COL4A6: variants seen among roughly 807,000 people sequenced by gnomAD.
COL4A6 encodes collagen type IV alpha 6 chain.
Under a neutral mutation model 126.7 loss-of-function variants are expected in COL4A6, and 59 were observed. The ratio of observed to expected loss-of-function variants is 0.47; its 90% confidence interval spans 0.38 to 0.58. The LOEUF is 0.58. Ranked by LOEUF, COL4A6 falls within the 20% of genes least tolerant of loss-of-function variation. COL4A6 has a pLI of 0.00. For synonymous variants in COL4A6, 547 were observed against 496.6 expected, an observed-to-expected ratio of 1.10 and a Z score of -1.35; for missense variants, 1,285 against 1,337.3, an observed-to-expected ratio of 0.96 and a Z score of 0.61.
chrX:108,209,708 AG>A (rs1240923031), intron 8 of COL4A6, among the ~76,000 whole-genome samples: 1 of 112,297 alleles, frequency 8.9e-6, no homozygotes, highest in African/African-American at 3.2e-5. Context: ...ATACATTCCT[AG>A]GGGAAAGTAC....
chrX:108,257,382 C>T (rs1181351598), intron 3 of COL4A6, among the ~76,000 whole-genome samples: 1 of 111,874 alleles, frequency 8.9e-6, no homozygotes, highest in Non-Finnish European at 1.9e-5. Context: ...TTGATCCATG[C>T]ACTTAGTTGC....
In COL4A6 at chrX:108,227,088, C is replaced by T. The variant is rs927716359; in HGVS notation, c.145-5714G>A. Reference sequence around the variant, plus strand: ...TCCAGGGAGCTTTCTATGATTACCCCCACCCAATGTGTGGGCTAGGTTGCC... The same window carrying T: ...TCCAGGGAGCTTTCTATGATTACCCTCACCCAATGTGTGGGCTAGGTTGCC... On this transcript the variant is annotated intron_variant, in intron 3 of 44. Coordinates refer to ENST00000334504, the MANE Select transcript of COL4A6 (RefSeq NM_033641.4). Among the ~76,000 whole-genome samples, 48 of 111,766 alleles carry T rather than the reference C, an allele frequency of 4.3e-4. 1 individual carries two copies. The highest frequency in any genetic ancestry group is 9.8e-5 in the African/African-American group (3 of 30,711).
chrX:108,170,013 A>G lies in COL4A6; in HGVS notation c.3497T>C (p.Phe1166Ser). The change falls in exon 36 of 45, where the codon TTC becomes TCC. Residue 1166 changes from phenylalanine to serine, a missense_variant. By Grantham distance (155) the Phe-to-Ser change is radical. Transcript: ENST00000334504. ...GSPGLIGPKG[F>S]PGFPGLHGLN... ...TCCATGTAAACCAGGAAATCCAGGG[A>G]AGCCTGAGGGGAGAGAATGTCAAAA... 1 of 1,184,377 alleles carries G rather than the reference A, an allele frequency of 8.4e-7. No individual in the cohort carries two copies. The highest frequency in any genetic ancestry group is 1.1e-6 in the Non-Finnish European group (1 of 879,533).
intron 2 of COL4A6, among the ~76,000 whole-genome samples, chrX:108,346,277 A>G (rs866100394): frequency 9.0e-6 from 1 of 111,607 alleles, no homozygotes; most frequent in South Asian, 3.8e-4. Flanking sequence ...CACCATAGAG[A>G]ATATATTAGT....
At chrX:108,327,836 A>G (rs1346145794) in intron 2 of COL4A6, among the ~76,000 whole-genome samples, 1 of 110,876 alleles carries the variant, frequency 9.0e-6, no homozygotes, top group African/African-American at 3.3e-5. Flanking sequence ...CACTGTTAAA[A>G]AAAAACACAG....
At chrX:108,411,172 GTCT>G (rs2041319919) in intron 2 of COL4A6, among the ~76,000 whole-genome samples, 1 of 112,288 alleles carries the variant, frequency 8.9e-6, no homozygotes, top group African/African-American at 3.2e-5. Context: ...ACTAGTTAAT[GTCT>G]TCTTTTAAAA....
chrX:108,213,509 C>A (rs889935336), intron 6 of COL4A6, among the ~76,000 whole-genome samples: 4 of 112,285 alleles, frequency 3.6e-5, no homozygotes, highest in Non-Finnish European at 5.6e-5. Context: ...AGTGTAGCCA[C>A]AAACTCTGTT....
At chrX:108,249,335 C>G (rs1477138679) in intron 3 of COL4A6, among the ~76,000 whole-genome samples, 1 of 110,537 alleles carries the variant, frequency 9.0e-6, no homozygotes, top group African/African-American at 3.3e-5. Context: ...CATATTTCTA[C>G]TAATTATAAG....
At chrX:108,336,599 T>C (rs1030357488) in intron 2 of COL4A6, among the ~76,000 whole-genome samples, 11 of 111,128 alleles carry the variant, frequency 9.9e-5, no homozygotes, top group Middle Eastern at 4.2e-3. Flanking sequence ...CTTAATGCCA[T>C]GAATTGTACT....
rs145480101 is a variant in COL4A6 at position 108,400,457 on chromosome X, T to C, written c.63+37485A>G. 6.5e-4 allele frequency among the ~76,000 whole-genome samples: 72 copies of C among 111,548 alleles called. No homozygotes were observed. The East Asian group carries it at 0.019, about 30-fold the overall frequency. On this transcript the variant is annotated intron_variant, in intron 2 of 44. Coordinates refer to ENST00000334504, the MANE Select transcript of COL4A6 (RefSeq NM_033641.4). ...CTTATTTTTGCTCTTAGCTCAAGGC[T>C]AGAGCTGCATCTCAGAGCAATGACA...
chrX:108,298,803 T>G (rs1337505499), intron 3 of COL4A6, among the ~76,000 whole-genome samples: 1 of 109,072 alleles, frequency 9.2e-6, no homozygotes, highest in Non-Finnish European at 1.9e-5. Context: ...GGCCTTCAAG[T>G]CTCCTTGCTC....
At chrX:108,166,143 C>G (rs1221102731) in intron 37 of COL4A6, among the ~76,000 whole-genome samples, 1 of 112,722 alleles carries the variant, frequency 8.9e-6, no homozygotes, top group East Asian at 2.8e-4. Flanking sequence ...AGAATAACCA[C>G]TTATTACAAT....
chrX:108,226,975 A>C (rs1265567478), intron 3 of COL4A6, among the ~76,000 whole-genome samples: 1 of 111,360 alleles, frequency 9.0e-6, no homozygotes, highest in Admixed American at 9.5e-5. Context: ...CTCCTACTCC[A>C]GGGCCTTTTT....
chrX:108,278,700 C>T (rs2037696644), intron 3 of COL4A6, among the ~76,000 whole-genome samples: 1 of 107,972 alleles, frequency 9.3e-6, no homozygotes, highest in South Asian at 4.4e-4. Context: ...TCAGATTCAC[C>T]AAAGTTGAAA....
chrX:108,406,169 C>T (rs1036706425), intron 2 of COL4A6, among the ~76,000 whole-genome samples: 11 of 111,443 alleles, frequency 9.9e-5, no homozygotes, highest in Non-Finnish European at 1.7e-4. Flanking sequence ...AGAGGTCTCA[C>T]TATGTTGCCT....
At chrX:108,414,985 G>A (rs185343356) in intron 2 of COL4A6, among the ~76,000 whole-genome samples, 1 of 111,505 alleles carries the variant, frequency 9.0e-6, no homozygotes, top group Admixed American at 9.5e-5. Flanking sequence ...AGTACAATTT[G>A]TGGAGGTAGT....
At position 108,159,465 on chromosome X, in the gene COL4A6, G is replaced by A. The variant is rs759639930; in HGVS notation, c.4809C>T (p.Leu1603=). The A allele has an allele frequency of 2.7e-5, 33 of 1,210,650 alleles. No individual in the cohort carries two copies. Among genetic ancestry groups the A allele is most frequent in the Non-Finnish European group, 1.1e-6 (1 of 895,318 alleles). Residue 1603 remains leucine, a synonymous_variant, in exon 44 of 45, where the codon CTC becomes CTT. Coordinates refer to ENST00000334504, the MANE Select transcript of COL4A6 (RefSeq NM_033641.4). The part of the protein sequence containing the change: ...WRSLWIGYSF[L]MHTAAGAEGG... ...AGGAGACAGTGCAGGACCTTACCAT[G>A]AGGAAAGAGTACCCAATCCAGAGGC...
At chrX:108,392,147 CGCTAAAACTA>C (rs915833948) in intron 2 of COL4A6, among the ~76,000 whole-genome samples, 9 of 111,804 alleles carry the variant, frequency 8.0e-5, no homozygotes, top group Non-Finnish European at 1.9e-5. Flanking sequence ...TAAATGTAAG[CGCTAAAACTA>C]TAAAACTTTT....
intron 3 of COL4A6, among the ~76,000 whole-genome samples, chrX:108,258,210 T>C (rs147477985): frequency 0.03 from 3,328 of 110,923 alleles, 115 homozygotes; most frequent in African/African-American, 0.1. Context: ...AAGGAGGAGC[T>C]GAGATGATAT....
Sources: allele counts gnomAD v4.1 joint callset (sites outside exome capture counted in the v4.1 genomes callset), GRCh38; gene constraint gnomAD v4.1.1; transcripts MANE v1.5; gene names NCBI Gene and HGNC (gene_info 2026-07-23, HGNC 2026-07-21).